The following PRICKLE2 variants were observed in gnomAD, a reference collection of about 807,000 sequenced individuals.
PRICKLE2 encodes prickle planar cell polarity protein 2, also known as prickle-like protein 2.
In PRICKLE2, 21 loss-of-function variants were observed where a neutral mutation model predicts 81.4. The observed-to-expected ratio is 0.26, with a 90% CI of 0.18 to 0.37. The LOEUF (loss-of-function observed/expected upper bound fraction) is 0.37. Among genes scored for constraint, PRICKLE2 ranks in the 10% least tolerant of loss-of-function variants. The probability of loss-of-function intolerance (pLI) is 1.00; values close to 1 mark genes in which losing one functional copy is unlikely to be tolerated. For synonymous variants in PRICKLE2, 456 were observed against 421.5 expected (o/e 1.08, Z -1.00); for missense variants, 940 against 1,109.0 (o/e 0.85, Z 2.16).
chr3:64,262,434 T>C (rs1356598886), intron 2 of PRICKLE2, among the ~76,000 whole-genome samples: 1 of 152,100 alleles, frequency 6.6e-6, no homozygotes, highest in East Asian at 1.9e-4. Context: ...CGATTGGACA[T>C]CTAATGAAGA....
intron 2 of PRICKLE2, among the ~76,000 whole-genome samples, chr3:64,264,138 G>C (rs2107192399): frequency 6.6e-6 from 1 of 152,092 alleles, no homozygotes; most frequent in Middle Eastern, 3.4e-3. Context: ...ATCCCAGGTA[G>C]ATGCTTGGAA....
intron 6 of PRICKLE2, among the ~76,000 whole-genome samples, chr3:64,152,303 T>A (rs1331681392): frequency 1.3e-5 from 2 of 152,136 alleles, no homozygotes; most frequent in East Asian, 3.9e-4. Context: ...CTCACAGACA[T>A]TCAGCCACTG....
At chr3:64,136,746 C>T (rs889932225) in intron 7 of PRICKLE2, among the ~76,000 whole-genome samples, 9 of 151,668 alleles carry the variant, frequency 5.9e-5, no homozygotes, top group African/African-American at 2.2e-4. Context: ...TGCCAAGTGG[C>T]CAGGTAGGAA....
chr3:64,219,148 C>A (rs1158764273), intron 1 of PRICKLE2, among the ~76,000 whole-genome samples: 4 of 152,150 alleles, frequency 2.6e-5, no homozygotes, highest in African/African-American at 9.7e-5. Context: ...TAAAACTTGA[C>A]CTTTTAGTTC....
chr3:64,169,821 G>C (rs1384542966), intron 2 of PRICKLE2, among the ~76,000 whole-genome samples: 1 of 152,146 alleles, frequency 6.6e-6, no homozygotes, highest in Non-Finnish European at 1.5e-5. Flanking sequence ...CCTCAATTCG[G>C]GGAGGTAATA....
intron 1 of PRICKLE2, among the ~76,000 whole-genome samples, chr3:64,219,971 T>C (rs934847495): frequency 2.6e-5 from 4 of 152,212 alleles, no homozygotes; most frequent in African/African-American, 7.2e-5. Flanking sequence ...ATAAAGCATC[T>C]TTCGTAGCAA....
chr3:64,138,083 AGAG>A (rs147551789), intron 7 of PRICKLE2, among the ~76,000 whole-genome samples: 5,149 of 151,986 alleles, frequency 0.034, 111 homozygotes, highest in Non-Finnish European at 0.045. Context: ...TGGGGCTTTT[AGAG>A]GAGGGGATCA....
intron 7 of PRICKLE2, among the ~76,000 whole-genome samples, chr3:64,112,067 T>A (rs1164947438): frequency 3.3e-5 from 5 of 152,202 alleles, no homozygotes; most frequent in Non-Finnish European, 5.9e-5. Flanking sequence ...GCACACATGG[T>A]TCCACCTGGT....
rs1312900152 is a variant in PRICKLE2, at chr3:64,147,593, C to T, written c.897G>A (p.Pro299=). The stretch of plus-strand genomic sequence containing the variant: ...GTGAGCAGAATATCTGGCCCTGCTT[C>T]GGGAGGAATGGCCGCCCCAGGAGGG... ...KKSLLGRPFL[P]KQGQIFCSRA... is the part of the protein sequence containing the mutation. Residue 299 remains proline (P), a synonymous_variant, in exon 7 of 8, where the codon CCG becomes CCA. Transcript: ENST00000638394. The surrounding 1 kb of genome is among the most constrained non-coding windows in gnomAD (Gnocchi z 5.0). 17 of 1,614,098 alleles carry T rather than the reference C, an allele frequency of 1.1e-5. No homozygotes were observed. The highest frequency in any genetic ancestry group is 1.6e-4 in the Middle Eastern group (1 of 6,084).
chr3:64,157,036 A>G (rs777221013), intron 5 of PRICKLE2, 126 bp downstream of exon 5: 35 of 876,256 alleles, frequency 4.0e-5, no homozygotes, highest in Non-Finnish European at 5.9e-5. Flanking sequence ...CTCTCCCAAA[A>G]GGGTTAATGC....
chr3:64,172,685 T>C (rs2077953577), intron 2 of PRICKLE2, among the ~76,000 whole-genome samples: 1 of 152,228 alleles, frequency 6.6e-6, no homozygotes, highest in Admixed American at 6.5e-5. Context: ...GTCTATGTTA[T>C]AAACAGAATT....
At chr3:64,224,860 G>T in intron 1 of PRICKLE2, 50 bp downstream of exon 1, 1 of 960,934 alleles carries the variant, frequency 1.0e-6, no homozygotes, top group Non-Finnish European at 1.2e-6. Context: ...ATCCTCCTTA[G>T]AAAATATACT....
chr3:64,235,700 C>T (rs2079170781), intron 2 of PRICKLE2, among the ~76,000 whole-genome samples: 1 of 152,192 alleles, frequency 6.6e-6, no homozygotes, highest in Non-Finnish European at 1.5e-5. Flanking sequence ...CCACTAATCA[C>T]TAGCTGATTG....
In PRICKLE2 at chr3:64,157,372, G is replaced by A. The variant is rs1575600608; in HGVS notation, c.397-7C>T. 1.2e-6 allele frequency: 2 copies of A among 1,612,582 alleles called. No individual in the cohort carries two copies. Among genetic ancestry groups the A allele is most frequent in the African/African-American group, 1.3e-5 (1 of 74,986 alleles). Reference sequence around the variant, plus strand: ...CATTGATCTGGCCTCCGCACTGTGAGGCAAACAGAAACATCAGTAGTCACA... The same window carrying A: ...CATTGATCTGGCCTCCGCACTGTGAAGCAAACAGAAACATCAGTAGTCACA... On this transcript the variant is annotated splice_polypyrimidine_tract_variant and splice_region_variant and intron_variant, in intron 4 of 7. Transcript: ENST00000638394.
chr3:64,131,473 A>G (rs1466226659), intron 7 of PRICKLE2, among the ~76,000 whole-genome samples: 1 of 152,244 alleles, frequency 6.6e-6, no homozygotes, highest in Non-Finnish European at 1.5e-5. Flanking sequence ...GCAAGAGAAG[A>G]AAAATAAGGG....
Position 64,147,126 on chromosome 3 carries a change from A to C in PRICKLE2, c.1364T>G (p.Leu455Arg). 1 of 1,614,154 alleles carries C rather than the reference A, an allele frequency of 6.2e-7. No individual in the cohort carries two copies. The highest frequency in any genetic ancestry group is 8.5e-7 in the Non-Finnish European group (1 of 1,180,030). ...GCTGCCAGCATGTCCTGTCATGGCC[A>C]GTGACGAGCTCCTTTTGGGGTTGCT... ...HFSNPKRSSS[L>R]AMTGHAGSFI... is the part of the protein sequence containing the mutation. Residue 455 changes from leucine to arginine, a missense_variant, in exon 7 of 8, where the codon CTG becomes CGG. Coordinates refer to ENST00000638394, the MANE Select transcript of PRICKLE2 (RefSeq NM_198859.4). This position sits in a 1 kb window ranked among gnomAD's most constrained non-coding sequence, Gnocchi z 5.0.
chr3:64,157,598 A>C (rs1169774252), intron 4 of PRICKLE2, among the ~76,000 whole-genome samples: 2 of 152,214 alleles, frequency 1.3e-5, no homozygotes, highest in African/African-American at 4.8e-5. Context: ...AGAATGAGGA[A>C]TCACAAAGGT....
chr3:64,096,543 G>A lies in PRICKLE2; in HGVS notation c.*2508C>T, dbSNP rs1244064607. 8 of 152,220 alleles carry A rather than the reference G, an allele frequency of 5.3e-5. No individual in the cohort carries two copies. The highest frequency in any genetic ancestry group is 1.2e-4 in the Non-Finnish European group (8 of 68,062). 9.4% of individuals were successfully genotyped at this position (152,220 alleles called of 1,614,324 possible). A position where few individuals can be genotyped will look rare whatever the true frequency, so the allele number is the denominator to read the frequency against. On this transcript the variant is annotated 3_prime_UTR_variant, in exon 8 of 8. Coordinates refer to ENST00000638394, the MANE Select transcript of PRICKLE2 (RefSeq NM_198859.4). ...TGTAAGGTTGCATTTGGGGTCAGAAGAAATCTGCAATGGTAGAATTGAGGG... is the reference window on the plus strand; with the variant it reads ...TGTAAGGTTGCATTTGGGGTCAGAAAAAATCTGCAATGGTAGAATTGAGGG...
intron 1 of PRICKLE2, among the ~76,000 whole-genome samples, chr3:64,202,948 T>C (rs575601561): frequency 1.1e-3 from 170 of 152,334 alleles, no homozygotes; most frequent in African/African-American, 3.8e-3. Flanking sequence ...TCTTCTATGC[T>C]AGTTTGTTGT....
Sources: gnomAD v4.1 joint callset for allele counts (sites outside exome capture counted in the v4.1 genomes callset) on GRCh38, gnomAD v4.1.1 for gene constraint, Gnocchi (gnomAD v3.1) non-coding constraint, MANE v1.5 for transcripts, NCBI Gene and HGNC (gene_info 2026-07-23, HGNC 2026-07-21) for gene names.